The following FAM184B variants were observed in gnomAD, a reference collection of about 807,000 sequenced individuals.
FAM184B encodes family with sequence similarity 184 member B, also known as protein FAM184B.
A neutral mutation model predicts 135.9 loss-of-function variants in FAM184B; 111 were observed. The ratio of observed to expected loss-of-function variants is 0.82; its 90% CI spans 0.70 to 0.96. FAM184B has a LOEUF of 0.96. Ranked by LOEUF, FAM184B falls within the 40% of genes least tolerant of loss-of-function variation. FAM184B has a pLI of 0.00. For synonymous variants in FAM184B, 552 were observed against 524.8 expected (o/e 1.05, Z -0.71); for missense variants, 1,375 against 1,323.9 (o/e 1.04, Z -0.60).
Position 17,777,245 on chromosome 4 carries a change from T to C in FAM184B, c.141+3914A>G, listed in dbSNP as rs1419201816. ...TTAAAGAATTAGATGGAAAGAATAA[T>C]TTATTATATGGTTTCATTTAGAGAT... On this transcript the variant is annotated intron_variant, in intron 1 of 17. Transcript: ENST00000265018. Among the ~76,000 whole-genome samples, 3 of 152,312 alleles carry C rather than the reference T, an allele frequency of 2.0e-5. No individual in the cohort carries two copies. The East Asian group carries it at 5.8e-4, about 29-fold the overall frequency.
intron 7 of FAM184B, among the ~76,000 whole-genome samples, chr4:17,670,903 C>T (rs554805832): frequency 6.6e-6 from 1 of 152,286 alleles, no homozygotes; most frequent in South Asian, 2.1e-4. Flanking sequence ...AGCATCAAGG[C>T]CTAACTGGAT....
rs1046561438 is a variant in FAM184B at position 17,774,660 on chromosome 4, A to G, written c.141+6499T>C. On this transcript the variant is annotated intron_variant, in intron 1 of 17. Transcript: ENST00000265018. The stretch of plus-strand genomic sequence containing the variant: ...ATTGGATGCTCTTGAAGGGATTTGA[A>G]AAAAATACTAATACCTGTCACCATT... Among the ~76,000 whole-genome samples the G allele has an allele frequency of 5.9e-5, 9 of 152,200 alleles. No homozygotes were observed. The East Asian group carries it at 1.7e-3, about 29-fold the overall frequency.
chr4:17,777,314 T>G (rs4698208), intron 1 of FAM184B, among the ~76,000 whole-genome samples: 89,682 of 151,912 alleles, frequency 0.59, 27,383 homozygotes, highest in East Asian at 0.74. Flanking sequence ...CCTGGGGCTG[T>G]TGGTGGGAAC....
intron 5 of FAM184B, among the ~76,000 whole-genome samples, chr4:17,696,582 C>T (rs1370663957): frequency 6.6e-6 from 1 of 152,128 alleles, no homozygotes; most frequent in Non-Finnish European, 1.5e-5. Context: ...GAGAATGAGG[C>T]AGGAGAATTG....
rs1007225873 is a variant in FAM184B at position 17,629,896 on chromosome 4, A to G, written c.*2636T>C. 2.0e-5 allele frequency: 3 copies of G among 152,138 alleles called. No individual in the cohort carries two copies. Among genetic ancestry groups the G allele is most frequent in the Non-Finnish European group, 4.4e-5 (3 of 68,022 alleles). The allele number at this position is 152,138 out of a possible 1,614,324, so 9.4% of individuals were successfully genotyped here. On this transcript the variant is annotated 3_prime_UTR_variant, in exon 18 of 18. Coordinates refer to ENST00000265018, the MANE Select transcript of FAM184B (RefSeq NM_015688.2). ...TCTGAATGGCAGTTTGGTAATAACA[A>G]ACAAAAAGCTTAAGTTTGTGTCCTT...
chr4:17,684,249 G>A (rs1463620050), intron 7 of FAM184B, among the ~76,000 whole-genome samples: 2 of 147,392 alleles, frequency 1.4e-5, no homozygotes, highest in African/African-American at 5.0e-5. Flanking sequence ...ATTCATGAGA[G>A]TATCCTATCA....
At chr4:17,776,944 C>T (rs1377618364) in intron 1 of FAM184B, among the ~76,000 whole-genome samples, 1 of 152,082 alleles carries the variant, frequency 6.6e-6, no homozygotes, top group African/African-American at 2.4e-5. Flanking sequence ...TATGGTGGTA[C>T]AGTCACTTCG....
chr4:17,736,816 G>T (rs1717920133), intron 1 of FAM184B, among the ~76,000 whole-genome samples: 1 of 152,154 alleles, frequency 6.6e-6, no homozygotes, highest in Non-Finnish European at 1.5e-5. Context: ...GCTGCCATGT[G>T]CCCAGAAAAC....
rs116838470 is a variant in FAM184B at position 17,663,886 on chromosome 4, A to T, written c.1694+676T>A. The stretch of plus-strand genomic sequence containing the variant: ...TTTCATGAAATCTGATGGTTTTATA[A>T]GTGTTTGTCATTTCCTTCTACACAC... On this transcript the variant is annotated intron_variant, in intron 8 of 17. Transcript: ENST00000265018. Among the ~76,000 whole-genome samples the T allele has an allele frequency of 1.4e-3, 208 of 152,112 alleles. 2 individuals carry two copies. Among genetic ancestry groups the T allele is most frequent in the African/African-American group, 5.0e-3 (206 of 41,476 alleles).
At chr4:17,778,320 A>G (rs1718972029) in intron 1 of FAM184B, among the ~76,000 whole-genome samples, 1 of 152,184 alleles carries the variant, frequency 6.6e-6, no homozygotes, top group South Asian at 2.1e-4. Flanking sequence ...ATAACTGTTC[A>G]CTAGAATTTT....
At chr4:17,683,891 C>G (rs1011425170) in intron 7 of FAM184B, among the ~76,000 whole-genome samples, 1 of 151,658 alleles carries the variant, frequency 6.6e-6, no homozygotes, top group Non-Finnish European at 1.5e-5. Flanking sequence ...GCCTGGACAG[C>G]ATGATGAAGG....
At chr4:17,769,127 A>G (rs1560197606) in intron 1 of FAM184B, among the ~76,000 whole-genome samples, 1 of 152,092 alleles carries the variant, frequency 6.6e-6, no homozygotes, top group African/African-American at 2.4e-5. Flanking sequence ...AAATGAATGA[A>G]GTTAAATTAT....
At chr4:17,640,923 G>T (rs936190207) in intron 13 of FAM184B, among the ~76,000 whole-genome samples, 4 of 152,010 alleles carry the variant, frequency 2.6e-5, no homozygotes, top group African/African-American at 9.7e-5. Flanking sequence ...TGACAGGCCA[G>T]GTTTTTTGTT....
Position 17,680,611 on chromosome 4 carries a change from G to A in FAM184B, c.1596+7813C>T, listed in dbSNP as rs191452989. 8.2e-4 allele frequency among the ~76,000 whole-genome samples: 124 copies of A among 152,138 alleles called. 1 individual carries two copies. The highest frequency in any genetic ancestry group is 2.9e-3 in the African/African-American group (121 of 41,500). ...TTGTTCAACCCAATTCCTACTCTTGGGTTTTTCCCATCAGGCGTTTTTCTC... is the reference window on the plus strand; with the variant it reads ...TTGTTCAACCCAATTCCTACTCTTGAGTTTTTCCCATCAGGCGTTTTTCTC... On this transcript the variant is annotated intron_variant, in intron 7 of 17. Coordinates refer to ENST00000265018, the MANE Select transcript of FAM184B (RefSeq NM_015688.2).
intron 5 of FAM184B, among the ~76,000 whole-genome samples, chr4:17,697,997 A>G (rs1716903385): frequency 6.6e-6 from 1 of 152,172 alleles, no homozygotes; most frequent in Non-Finnish European, 1.5e-5. Context: ...CACAGATTTG[A>G]AAGAAGCATG....
chr4:17,751,543 C>T (rs1718291937), intron 1 of FAM184B, among the ~76,000 whole-genome samples: 1 of 151,974 alleles, frequency 6.6e-6, no homozygotes, highest in South Asian at 2.1e-4. Flanking sequence ...TAACACATTT[C>T]CAAACTTTCA....
chr4:17,713,412 C>T (rs1311526460), intron 1 of FAM184B, among the ~76,000 whole-genome samples: 1 of 152,204 alleles, frequency 6.6e-6, no homozygotes, highest in Non-Finnish European at 1.5e-5. Context: ...ACTTGGTGCA[C>T]AGGATTTGGC....
intron 9 of FAM184B, among the ~76,000 whole-genome samples, chr4:17,659,620 G>A (rs1288153920): frequency 6.6e-6 from 1 of 152,132 alleles, no homozygotes; most frequent in East Asian, 1.9e-4. Flanking sequence ...CCGAGTAGCT[G>A]GGATTACAGG....
chr4:17,689,252 C>A (rs971708750), intron 6 of FAM184B, among the ~76,000 whole-genome samples: 1 of 152,046 alleles, frequency 6.6e-6, no homozygotes, highest in African/African-American at 2.4e-5. Flanking sequence ...TGGGGGTGCT[C>A]TAAAAGTGTA....
Sources: gnomAD v4.1 joint callset for allele counts (sites outside exome capture counted in the v4.1 genomes callset) on GRCh38, gnomAD v4.1.1 for gene constraint, MANE v1.5 for transcripts, NCBI Gene and HGNC (gene_info 2026-07-23, HGNC 2026-07-21) for gene names.